SLC14A2: variants seen among roughly 807,000 people sequenced by gnomAD.
The protein encoded by SLC14A2 is urea transporter 2.
SLC14A2 carries 91 observed loss-of-function variants against 104.6 expected under a neutral mutation model. The ratio of observed to expected loss-of-function variants is 0.87; its 90% CI spans 0.73 to 1.04. The LOEUF (loss-of-function observed/expected upper bound fraction) is 1.04, where lower values mean the gene tolerates loss of function less well. SLC14A2 is among the 50% of genes least tolerant of loss of function. The pLI is 0.00. For missense variants in SLC14A2, 1,189 were observed against 1,156.0 expected (o/e 1.03, Z -0.41); for synonymous variants, 476 against 466.4 (o/e 1.02, Z -0.27).
chr18:45,258,861 G>A (rs1244017107), intron 1 of SLC14A2, among the ~76,000 whole-genome samples: 1 of 152,212 alleles, frequency 6.6e-6, no homozygotes, highest in Non-Finnish European at 1.5e-5. Flanking sequence ...AGGAGAATTT[G>A]AAGGTGGAAG....
At chr18:45,620,275 G>A (rs2045143360) in intron 1 of SLC14A2, among the ~76,000 whole-genome samples, 1 of 152,244 alleles carries the variant, frequency 6.6e-6, no homozygotes, top group South Asian at 2.1e-4. Context: ...GGCAGTCAGA[G>A]TAATGGAGAG....
intron 1 of SLC14A2, among the ~76,000 whole-genome samples, chr18:45,309,912 T>C (rs1204247608): frequency 6.6e-6 from 1 of 152,158 alleles, no homozygotes. Flanking sequence ...TTTATATATA[T>C]ATATATAGCC....
intron 2 of SLC14A2, among the ~76,000 whole-genome samples, chr18:45,564,545 A>G (rs959667606): frequency 1.3e-5 from 2 of 152,162 alleles, no homozygotes; most frequent in African/African-American, 4.8e-5. Context: ...CTGAACCTAA[A>G]CCAAACACAG....
chr18:45,422,553 A>G (rs949937520), intron 1 of SLC14A2, among the ~76,000 whole-genome samples: 5 of 152,136 alleles, frequency 3.3e-5, no homozygotes, highest in Non-Finnish European at 2.9e-5. Context: ...TAGGGACAGA[A>G]GACGGCTGAG....
chr18:45,338,448 G>A (rs111767047), intron 1 of SLC14A2, among the ~76,000 whole-genome samples: 11,101 of 151,922 alleles, frequency 0.073, 767 homozygotes, highest in African/African-American at 0.18. Context: ...TGATCCGCCC[G>A]CCTCTGCCTC....
At chr18:45,204,366 G>T in the SLC14A2 span, among the ~76,000 whole-genome samples, 6 of 152,194 alleles carry the variant, frequency 3.9e-5, no homozygotes, top group Admixed American at 6.5e-5. Context: ...CTACTTGATT[G>T]TCTGTTCCAA....
At chr18:45,204,659 C>G in the SLC14A2 span, among the ~76,000 whole-genome samples, 1 of 152,202 alleles carries the variant, frequency 6.6e-6, no homozygotes, top group African/African-American at 2.4e-5. Flanking sequence ...TGATAGTTAA[C>G]AATTTATGGC....
intron 3 of SLC14A2, among the ~76,000 whole-genome samples, chr18:45,626,295 C>T (rs1012560463): frequency 6.6e-6 from 1 of 152,158 alleles, no homozygotes; most frequent in Admixed American, 6.5e-5. Flanking sequence ...CTTCCCAAAG[C>T]TTCAGGATTC....
chr18:45,645,612 A>T (rs199765376), intron 10 of SLC14A2, among the ~76,000 whole-genome samples: 14 of 28,074 alleles, frequency 5.0e-4, no homozygotes, highest in South Asian at 8.8e-4. Flanking sequence ...GGTCTTTTTA[A>T]ATATATATAT....
chr18:45,496,587 GAAACCCCATCTCTAGCAAAAATACA>G (rs966504578), intron 2 of SLC14A2, among the ~76,000 whole-genome samples: 2 of 152,206 alleles, frequency 1.3e-5, no homozygotes, highest in Non-Finnish European at 2.9e-5. Context: ...CAAACATGGT[GAAACCCCATCTCTAGCAAAAATACA>G]AAACCCCATC....
intron 11 of SLC14A2, among the ~76,000 whole-genome samples, chr18:45,664,204 C>T (rs2045977182): frequency 6.6e-6 from 1 of 152,216 alleles, no homozygotes; most frequent in South Asian, 2.1e-4. Context: ...TGCAGAGCAG[C>T]CTGGGTGGGC....
At chr18:45,679,136 T>A in intron 19 of SLC14A2, 112 bp downstream of exon 19, 1 of 979,190 alleles carries the variant, frequency 1.0e-6, no homozygotes, top group Non-Finnish European at 1.6e-6. Flanking sequence ...CCAGTTCATC[T>A]CCCTTATTTC....
At chr18:45,426,327 T>C (rs533602447) in intron 1 of SLC14A2, among the ~76,000 whole-genome samples, 1 of 152,262 alleles carries the variant, frequency 6.6e-6, no homozygotes, top group South Asian at 2.1e-4. Flanking sequence ...CGTGTAATCA[T>C]CTAACTTATC....
At chr18:45,348,367 A>G (rs1218752886) in intron 1 of SLC14A2, among the ~76,000 whole-genome samples, 1 of 152,232 alleles carries the variant, frequency 6.6e-6, no homozygotes, top group African/African-American at 2.4e-5. Flanking sequence ...CACTTGGACC[A>G]GGTGACAAGG....
intron 1 of SLC14A2, among the ~76,000 whole-genome samples, chr18:45,340,134 A>G (rs1377636612): frequency 1.3e-5 from 2 of 152,212 alleles, no homozygotes; most frequent in East Asian, 3.9e-4. Context: ...ACACTTACCC[A>G]TCTATGGCCA....
intron 1 of SLC14A2, among the ~76,000 whole-genome samples, chr18:45,229,272 C>T (rs956174091): frequency 4.6e-5 from 7 of 152,122 alleles, no homozygotes; most frequent in Non-Finnish European, 1.0e-4. Context: ...CAGGTCCTGC[C>T]TTCCAGAGGG....
intron 1 of SLC14A2, among the ~76,000 whole-genome samples, chr18:45,238,748 G>C (rs773199280): frequency 6.6e-6 from 1 of 152,178 alleles, no homozygotes; most frequent in African/African-American, 2.4e-5. Flanking sequence ...AAGCGTATAC[G>C]TACAACTAAC....
intron 1 of SLC14A2, among the ~76,000 whole-genome samples, chr18:45,337,926 A>G (rs980071718): frequency 6.6e-6 from 1 of 152,206 alleles, no homozygotes; most frequent in Non-Finnish European, 1.5e-5. Flanking sequence ...GGAGAGATTA[A>G]GAATATGACA....
chr18:45,308,859 T>C (rs114716711), intron 1 of SLC14A2, among the ~76,000 whole-genome samples: 2,385 of 152,348 alleles, frequency 0.016, 34 homozygotes, highest in Middle Eastern at 0.037. Context: ...TTGTTGCCTA[T>C]CAGTTCTTGA....
Sources: allele counts gnomAD v4.1 joint callset (sites outside exome capture counted in the v4.1 genomes callset), GRCh38; gene constraint gnomAD v4.1.1; transcripts MANE v1.5; gene names NCBI Gene and HGNC (gene_info 2026-07-23, HGNC 2026-07-21).